Variants in ADAM9 observed in about 807,000 individuals in gnomAD.
ADAM9 encodes ADAM metallopeptidase domain 9, also known as disintegrin and metalloproteinase domain-containing protein 9.
A neutral mutation model predicts 108.1 loss-of-function variants in ADAM9; 54 were observed. The ratio of observed to expected loss-of-function variants is 0.50; its 90% CI spans 0.40 to 0.63. ADAM9 has a LOEUF of 0.63. Among genes scored for constraint, ADAM9 ranks in the 20% least tolerant of loss-of-function variants. The probability of loss-of-function intolerance (pLI) is 0.00; values close to 1 mark genes in which losing one functional copy is unlikely to be tolerated. For synonymous variants in ADAM9, 316 were observed against 336.0 expected (o/e 0.94, Z 0.65); for missense variants, 830 against 997.7 (o/e 0.83, Z 2.26).
At chr8:39,063,045 C>T (rs2129440046) in intron 14 of ADAM9, among the ~76,000 whole-genome samples, 1 of 152,338 alleles carries the variant, frequency 6.6e-6, no homozygotes, top group East Asian at 1.9e-4. Flanking sequence ...ACATTCAATG[C>T]AGACTGTCTG....
intron 1 of ADAM9, among the ~76,000 whole-genome samples, chr8:39,002,999 C>G (rs1332896180): frequency 1.3e-5 from 2 of 152,138 alleles, no homozygotes; most frequent in Non-Finnish European, 2.9e-5. Context: ...GCCTCAGCCT[C>G]CCGAGTAGCT....
chr8:39,080,198 A>T (rs1391886420), intron 16 of ADAM9, among the ~76,000 whole-genome samples: 1 of 151,650 alleles, frequency 6.6e-6, no homozygotes, highest in Non-Finnish European at 1.5e-5. Flanking sequence ...AAAAATGAAT[A>T]TATTTTTCTC....
intron 1 of ADAM9, among the ~76,000 whole-genome samples, chr8:38,998,571 T>C (rs1005282387): frequency 6.6e-6 from 1 of 152,212 alleles, no homozygotes; most frequent in African/African-American, 2.4e-5. Flanking sequence ...AGCCACCGTT[T>C]ATGGAACTCC....
chr8:39,083,795 C>T (rs142131954), intron 18 of ADAM9, among the ~76,000 whole-genome samples: 11 of 152,300 alleles, frequency 7.2e-5, no homozygotes, highest in African/African-American at 1.9e-4. Flanking sequence ...CCCAGTTTAT[C>T]GGTATCTTTC....
intron 11 of ADAM9, among the ~76,000 whole-genome samples, chr8:39,027,729 A>T (rs957530137): frequency 3.3e-5 from 5 of 152,134 alleles, no homozygotes; most frequent in African/African-American, 1.2e-4. Flanking sequence ...ATGTAACTGT[A>T]GTTCGTACGT....
chr8:39,048,328 C>A (rs1328255770), intron 12 of ADAM9, among the ~76,000 whole-genome samples: 1 of 152,162 alleles, frequency 6.6e-6, no homozygotes, highest in Non-Finnish European at 1.5e-5. Context: ...GGTTGTTCCA[C>A]AGTGTGTTGT....
At chr8:39,001,235 T>C (rs1462235412) in intron 1 of ADAM9, among the ~76,000 whole-genome samples, 1 of 152,222 alleles carries the variant, frequency 6.6e-6, no homozygotes, top group Non-Finnish European at 1.5e-5. Flanking sequence ...AAATGACAAA[T>C]GTGTAGGCTA....
At chr8:39,036,838 T>C (rs867398940) in intron 11 of ADAM9, among the ~76,000 whole-genome samples, 34 of 152,142 alleles carry the variant, frequency 2.2e-4, no homozygotes, top group African/African-American at 8.0e-4. Context: ...TTATGCTTTT[T>C]AGTTCTATAG....
chr8:39,018,995 C>T (rs1836644430), intron 7 of ADAM9, 77 bp downstream of exon 7: 6 of 1,319,398 alleles, frequency 4.5e-6, no homozygotes, highest in Non-Finnish European at 5.5e-6. Flanking sequence ...GAAATCTAAA[C>T]TACACATTGT....
chr8:39,080,548 G>A lies in ADAM9; in HGVS notation c.1882-2093G>A, dbSNP rs11985877. Among the ~76,000 whole-genome samples the A allele has an allele frequency of 8.0e-3, 1,224 of 152,248 alleles. 14 individuals carry two copies. Among genetic ancestry groups the A allele is most frequent in the African/African-American group, 0.027 (1,141 of 41,518 alleles). On this transcript the variant is annotated intron_variant, in intron 16 of 21. Transcript: ENST00000487273. ...TCTGTACAGCTGTAACTTTGTAACT[G>A]TTGGTTTAATCTATGAGTCTAACAC...
Position 39,104,529 on chromosome 8 carries a change from A to C in ADAM9, c.*829A>C, listed in dbSNP as rs994596768. 2.6e-6 allele frequency: 1 copy of C among 387,200 alleles called. No homozygotes were observed. The highest frequency in any genetic ancestry group is 5.0e-6 in the Non-Finnish European group (1 of 200,672). 24.0% of individuals were successfully genotyped at this position (387,200 alleles called of 1,614,324 possible). On this transcript the variant is annotated 3_prime_UTR_variant, in exon 22 of 22. Coordinates refer to ENST00000487273, the MANE Select transcript of ADAM9 (RefSeq NM_003816.3). ...ATCAAATATGTTGATTCATGGCTAT[A>C]ATAAAGCAGGAGCAATTATAAAATC...
rs775647233 is a variant in ADAM9 at position 38,996,993 on chromosome 8, G to A, written c.-71G>A. Reference sequence around the variant, plus strand: ...CGGCCAGACTTGGGGCCCCGGCAGGGTTGGAAAATGATGGAAGAGGCGGAG... The same window carrying A: ...CGGCCAGACTTGGGGCCCCGGCAGGATTGGAAAATGATGGAAGAGGCGGAG... On this transcript the variant is annotated 5_prime_UTR_variant, in exon 1 of 22. Coordinates refer to ENST00000487273, the MANE Select transcript of ADAM9 (RefSeq NM_003816.3). 3 of 1,560,840 alleles carry A rather than the reference G, an allele frequency of 1.9e-6. No individual in the cohort carries two copies. Among genetic ancestry groups the A allele is most frequent in the African/African-American group, 2.7e-5 (2 of 73,864 alleles).
At chr8:39,095,061 T>G (rs1839460832) in intron 20 of ADAM9, among the ~76,000 whole-genome samples, 1 of 152,178 alleles carries the variant, frequency 6.6e-6, no homozygotes, top group African/African-American at 2.4e-5. Flanking sequence ...AACTTCCCCC[T>G]TAGAATTGCT....
chr8:39,054,773 G>A (rs1341493845), intron 13 of ADAM9, among the ~76,000 whole-genome samples, 200 bp downstream of exon 13: 1 of 152,008 alleles, frequency 6.6e-6, no homozygotes, highest in Non-Finnish European at 1.5e-5. Flanking sequence ...TGTTTTCTAA[G>A]TAGAAACATT....
chr8:39,079,999 A>G (rs75694616), intron 16 of ADAM9, among the ~76,000 whole-genome samples: 2 of 152,196 alleles, frequency 1.3e-5, no homozygotes, highest in East Asian at 1.9e-4. Flanking sequence ...TATTGGCACA[A>G]TTTATTAACA....
chr8:39,085,523 C>G (rs1342593240), intron 18 of ADAM9, among the ~76,000 whole-genome samples: 3 of 152,088 alleles, frequency 2.0e-5, no homozygotes, highest in Non-Finnish European at 4.4e-5. Flanking sequence ...GTGCTAGTGA[C>G]AAATATTTTT....
chr8:39,082,278 T>C (rs1262070221), intron 16 of ADAM9, among the ~76,000 whole-genome samples: 2 of 152,168 alleles, frequency 1.3e-5, no homozygotes, highest in Admixed American at 6.5e-5. Flanking sequence ...CCTTCTATCC[T>C]TGAAACTTTC....
intron 12 of ADAM9, among the ~76,000 whole-genome samples, chr8:39,045,384 AGGTGTG>A (rs1837695352): frequency 2.6e-4 from 5 of 19,200 alleles, no homozygotes; most frequent in Non-Finnish European, 4.8e-4. Context: ...ATACACCTAT[AGGTGTG>A]TGTACACACA....
chr8:39,039,607 T>G (rs1837394218), intron 11 of ADAM9, among the ~76,000 whole-genome samples: 1 of 152,250 alleles, frequency 6.6e-6, no homozygotes, highest in Non-Finnish European at 1.5e-5. Context: ...ATTTTCCACT[T>G]CTTTTTTTAG....
Sources: gnomAD v4.1 joint callset for allele counts (sites outside exome capture counted in the v4.1 genomes callset) on GRCh38, gnomAD v4.1.1 for gene constraint, MANE v1.5 for transcripts, NCBI Gene and HGNC (gene_info 2026-07-23, HGNC 2026-07-21) for gene names.